The following TSHZ2 variants were observed in gnomAD, a reference collection of about 807,000 sequenced individuals.
TSHZ2 encodes teashirt homolog 2.
Under a neutral mutation model 74.4 loss-of-function variants are expected in TSHZ2, and 21 were observed. The ratio of observed to expected loss-of-function variants is 0.28; its 90% confidence interval spans 0.20 to 0.41. The LOEUF is 0.41. TSHZ2 is among the 10% of genes least tolerant of loss of function. The probability of loss-of-function intolerance (pLI) is 1.00; values close to 1 mark genes in which losing one functional copy is unlikely to be tolerated. For missense variants in TSHZ2, 1,244 were observed against 1,293.5 expected, an observed-to-expected ratio of 0.96 and a Z score of 0.59; for synonymous variants, 540 against 515.3, an observed-to-expected ratio of 1.05 and a Z score of -0.65.
chr20:53,025,050 A>G (rs779704547), intron 1 of TSHZ2, among the ~76,000 whole-genome samples: 3 of 152,108 alleles, frequency 2.0e-5, no homozygotes, highest in African/African-American at 4.8e-5. Context: ...ATGCTACTGT[A>G]CTAGCAAAAA....
intron 2 of TSHZ2, among the ~76,000 whole-genome samples, chr20:53,326,571 G>T (rs1194856566): frequency 1.3e-5 from 2 of 152,026 alleles, no homozygotes; most frequent in African/African-American, 4.8e-5. Context: ...CCTCTAGAAA[G>T]CCCCCCCGGC....
chr20:53,414,723 T>C lies in TSHZ2; in HGVS notation c.*9-72421T>C, dbSNP rs1490512731. Among the ~76,000 whole-genome samples, 3 of 152,350 alleles carry C rather than the reference T, an allele frequency of 2.0e-5. No homozygotes were observed. In the East Asian group the frequency reaches 5.8e-4, roughly 29 times the overall value. On this transcript the variant is annotated intron_variant, in intron 2 of 2. Coordinates refer to ENST00000371497, the MANE Select transcript of TSHZ2 (RefSeq NM_173485.6). ...GCCAGGACTATTCTCAGTGGTTTAA[T>C]AGCACTAGACTTAAACCAAGGGCTC...
At chr20:52,989,909 G>A (rs1441297471) in intron 1 of TSHZ2, among the ~76,000 whole-genome samples, 1 of 149,508 alleles carries the variant, frequency 6.7e-6, no homozygotes, top group East Asian at 1.9e-4. Context: ...AAATAGATAG[G>A]TAGAAAAAAG....
intron 2 of TSHZ2, among the ~76,000 whole-genome samples, chr20:53,335,717 C>G (rs1979919360): frequency 6.6e-6 from 1 of 152,160 alleles, no homozygotes; most frequent in Non-Finnish European, 1.5e-5. Flanking sequence ...TCATGGTTTC[C>G]TTTTTCCAAT....
At chr20:53,202,226 C>A (rs975763719) in intron 1 of TSHZ2, among the ~76,000 whole-genome samples, 2 of 152,140 alleles carry the variant, frequency 1.3e-5, no homozygotes, top group Non-Finnish European at 2.9e-5. Context: ...CGATGAGTAC[C>A]TGCTGGCTTT....
chr20:53,309,087 C>A (rs1405851136), intron 2 of TSHZ2, among the ~76,000 whole-genome samples: 1 of 152,204 alleles, frequency 6.6e-6, no homozygotes, highest in Non-Finnish European at 1.5e-5. Flanking sequence ...CATCACACCA[C>A]CCCCGAAAAT....
intron 2 of TSHZ2, among the ~76,000 whole-genome samples, chr20:53,307,375 A>T (rs990360935): frequency 1.3e-5 from 2 of 152,170 alleles, no homozygotes; most frequent in African/African-American, 4.8e-5. Context: ...CCTGGTCCCC[A>T]TTGGATGGGC....
At chr20:53,167,367 A>G (rs919403910) in intron 1 of TSHZ2, among the ~76,000 whole-genome samples, 3 of 152,144 alleles carry the variant, frequency 2.0e-5, no homozygotes, top group African/African-American at 7.2e-5. Context: ...CATTATTTTC[A>G]CTATATAGGT....
chr20:53,449,689 A>T (rs1445050123), intron 2 of TSHZ2, among the ~76,000 whole-genome samples: 10 of 151,756 alleles, frequency 6.6e-5, no homozygotes, highest in African/African-American at 2.4e-4. Context: ...TTAAAATCCT[A>T]CCCCCTTCTT....
chr20:53,455,099 T>A (rs1985000423), intron 2 of TSHZ2, among the ~76,000 whole-genome samples: 1 of 152,048 alleles, frequency 6.6e-6, no homozygotes, highest in African/African-American at 2.4e-5. Flanking sequence ...AGCACCTGAT[T>A]AAAGCCTTTT....
rs573042258 is a variant in TSHZ2 at position 53,098,295 on chromosome 20, T to C, written c.40+124962T>C. 1.2e-4 allele frequency among the ~76,000 whole-genome samples: 19 copies of C among 152,370 alleles called. No homozygotes were observed. In the East Asian group the frequency reaches 3.7e-3, roughly 29 times the overall value. On this transcript the variant is annotated intron_variant, in intron 1 of 2. Transcript: ENST00000371497. ...AATGCTTAGTTTATTCATCTTGAGA[T>C]AAAAACAATGTCTATGTCTGGGGTA...
intron 1 of TSHZ2, among the ~76,000 whole-genome samples, chr20:53,193,010 C>T (rs1278479301): frequency 6.6e-6 from 1 of 152,130 alleles, no homozygotes; most frequent in Non-Finnish European, 1.5e-5. Context: ...AGGTAAACAC[C>T]ACAGTGGGGA....
At chr20:53,084,580 A>C (rs536962398) in intron 1 of TSHZ2, among the ~76,000 whole-genome samples, 1 of 112,574 alleles carries the variant, frequency 8.9e-6, no homozygotes, top group African/African-American at 3.6e-5. Context: ...ATTTTTAAAA[A>C]TTTATTCATC....
chr20:53,196,462 G>A (rs893891904), intron 1 of TSHZ2: 16 of 150,172 alleles, frequency 1.1e-4, no homozygotes, highest in South Asian at 8.6e-4. Flanking sequence ...CAGATATAAA[G>A]TTAGGAGGCC....
At chr20:53,449,347 G>C (rs1322463472) in intron 2 of TSHZ2, among the ~76,000 whole-genome samples, 1 of 152,172 alleles carries the variant, frequency 6.6e-6, no homozygotes, top group Admixed American at 6.5e-5. Flanking sequence ...ATAGTGAATA[G>C]CAAGTAGTAA....
At chr20:53,099,087 C>T (rs6097232) in intron 1 of TSHZ2, among the ~76,000 whole-genome samples, 11,210 of 152,128 alleles carry the variant, frequency 0.074, 952 homozygotes, top group African/African-American at 0.21. Context: ...TGAATGGTGA[C>T]CTCCCCCACC....
intron 1 of TSHZ2, among the ~76,000 whole-genome samples, chr20:53,027,794 T>A (rs1388975603): frequency 6.6e-6 from 1 of 152,116 alleles, no homozygotes; most frequent in Non-Finnish European, 1.5e-5. Context: ...CTGAAGGGAC[T>A]TGAAACCCAT....
chr20:53,464,546 TCTACCTCCCAGCTCAAGTGATTCTC>T (rs976093568), intron 2 of TSHZ2, among the ~76,000 whole-genome samples: 3 of 152,134 alleles, frequency 2.0e-5, no homozygotes, highest in African/African-American at 7.2e-5. Flanking sequence ...CCCTGCAGCC[TCTACCTCCCAGCTCAAGTGATTCTC>T]CTACCTCAGC....
rs1326950784 is a variant in TSHZ2, at chr20:53,025,569, G to A, written c.40+52236G>A. The stretch of plus-strand genomic sequence containing the variant: ...GCCCTCCACCTTGATGAACTTCCCC[G>A]CCCCACCCCTGGGTGCCTGCCCCCG... On this transcript the variant is annotated intron_variant, in intron 1 of 2. Coordinates refer to ENST00000371497, the MANE Select transcript of TSHZ2 (RefSeq NM_173485.6). Among the ~76,000 whole-genome samples the A allele has an allele frequency of 9.9e-5, 15 of 152,088 alleles. No individual in the cohort carries two copies. In the South Asian group the frequency reaches 1.4e-3, roughly 15 times the overall value.
Sources: gnomAD v4.1 joint callset for allele counts (sites outside exome capture counted in the v4.1 genomes callset) on GRCh38, gnomAD v4.1.1 for gene constraint, MANE v1.5 for transcripts, NCBI Gene and HGNC (gene_info 2026-07-23, HGNC 2026-07-21) for gene names.